DCDC2: variants seen among roughly 807,000 people sequenced by gnomAD.
DCDC2 encodes the protein doublecortin domain-containing protein 2.
In DCDC2, 40 loss-of-function variants were observed where a neutral mutation model predicts 50.2. The observed-to-expected ratio is 0.80, with a 90% confidence interval of 0.62 to 1.04. DCDC2 has a LOEUF of 1.04. Among genes scored for constraint, DCDC2 ranks in the 50% least tolerant of loss-of-function variants. The probability of loss-of-function intolerance (pLI) is 0.00; values close to 1 mark genes in which losing one functional copy is unlikely to be tolerated. For synonymous variants in DCDC2, 234 were observed against 210.6 expected (o/e 1.11, Z -0.96); for missense variants, 570 against 581.9 (o/e 0.98, Z 0.21).
the DCDC2 span, among the ~76,000 whole-genome samples, chr6:24,373,713 G>A: frequency 6.6e-6 from 1 of 152,268 alleles, no homozygotes; most frequent in South Asian, 2.1e-4. Context: ...AGGGGGAGTG[G>A]TACGTCTTTG....
intron 2 of DCDC2, among the ~76,000 whole-genome samples, chr6:24,321,887 G>T (rs79900548): frequency 0.018 from 2,811 of 152,258 alleles, 49 homozygotes; most frequent in South Asian, 0.05. Flanking sequence ...AATTAATTAC[G>T]TGTGACAAAT....
At chr6:24,299,731 T>C (rs1429663097) in intron 4 of DCDC2, among the ~76,000 whole-genome samples, 1 of 151,922 alleles carries the variant, frequency 6.6e-6, no homozygotes, top group East Asian at 1.9e-4. Flanking sequence ...CTGGCCAACA[T>C]GGTGAAACCC....
chr6:24,309,910 G>A (rs1194706270), intron 2 of DCDC2, among the ~76,000 whole-genome samples: 1 of 152,070 alleles, frequency 6.6e-6, no homozygotes, highest in East Asian at 1.9e-4. Context: ...TGGGAGGACT[G>A]CTTGAGCCCA....
intron 8 of DCDC2, among the ~76,000 whole-genome samples, chr6:24,200,400 G>A (rs1334019906): frequency 1.3e-5 from 2 of 152,140 alleles, no homozygotes; most frequent in Non-Finnish European, 2.9e-5. Context: ...TTCATATCCA[G>A]GCAAACTAAG....
chr6:24,180,509 C>T (rs533034151), intron 8 of DCDC2, among the ~76,000 whole-genome samples: 23 of 151,952 alleles, frequency 1.5e-4, no homozygotes, highest in Admixed American at 8.5e-4. Flanking sequence ...AGGATGGTCT[C>T]GATCTCCTGA....
intron 7 of DCDC2, among the ~76,000 whole-genome samples, chr6:24,216,230 T>C (rs949670573): frequency 4.0e-5 from 6 of 151,194 alleles, no homozygotes; most frequent in Admixed American, 6.6e-5. Flanking sequence ...GGGGTGAAAA[T>C]AGAAAATGGT....
At position 24,338,167 on chromosome 6, in the gene DCDC2, T is replaced by G. The variant is rs865903554; in HGVS notation, c.348+15402A>C. 4.6e-5 allele frequency among the ~76,000 whole-genome samples: 7 copies of G among 152,308 alleles called. No individual in the cohort carries two copies. In the South Asian group the frequency reaches 1.4e-3, roughly 32 times the overall value. On this transcript the variant is annotated intron_variant, in intron 2 of 9. Coordinates refer to ENST00000378454, the MANE Select transcript of DCDC2 (RefSeq NM_016356.5). ...TACTTCATAAGGTTGTTGTGAGGAT[T>G]ATATCATCTTTGTAAAGTACTTAGA...
intron 2 of DCDC2, among the ~76,000 whole-genome samples, chr6:24,349,665 T>A (rs1335436713): frequency 1.3e-5 from 2 of 151,832 alleles, no homozygotes; most frequent in Non-Finnish European, 2.9e-5. Context: ...AAAGAGAGGA[T>A]TGGGAAGTCA....
intron 2 of DCDC2, among the ~76,000 whole-genome samples, chr6:24,330,056 T>C (rs1282878395): frequency 6.6e-6 from 1 of 152,178 alleles, no homozygotes; most frequent in East Asian, 1.9e-4. Flanking sequence ...GTGAACCCAT[T>C]ATCAGGGACT....
intron 8 of DCDC2, among the ~76,000 whole-genome samples, chr6:24,194,271 T>C (rs1020387578): frequency 3.3e-5 from 5 of 152,134 alleles, no homozygotes; most frequent in Non-Finnish European, 7.4e-5. Flanking sequence ...AAATAAATTT[T>C]AAATAAATAA....
At chr6:24,245,980 T>G (rs990490928) in intron 7 of DCDC2, among the ~76,000 whole-genome samples, 3 of 152,128 alleles carry the variant, frequency 2.0e-5, no homozygotes, top group Non-Finnish European at 4.4e-5. Context: ...TCTGAGAGGA[T>G]AGATTTTTTA....
At chr6:24,199,384 C>T (rs973114874) in intron 8 of DCDC2, among the ~76,000 whole-genome samples, 2 of 152,144 alleles carry the variant, frequency 1.3e-5, no homozygotes, top group Admixed American at 6.6e-5. Flanking sequence ...CTGGGGTGGA[C>T]CTCCAGCAAA....
At chr6:24,245,274 G>T (rs1395231111) in intron 7 of DCDC2, among the ~76,000 whole-genome samples, 1 of 152,130 alleles carries the variant, frequency 6.6e-6, no homozygotes, top group Non-Finnish European at 1.5e-5. Flanking sequence ...ACTTAGGTTC[G>T]AGCGGCTGGG....
chr6:24,311,331 G>T lies in DCDC2; in HGVS notation c.349-9287C>A, dbSNP rs79134990. On this transcript the variant is annotated intron_variant, in intron 2 of 9. Coordinates refer to ENST00000378454, the MANE Select transcript of DCDC2 (RefSeq NM_016356.5). Reference sequence around the variant, plus strand: ...TTATAAAGTTAACATATTCCCCAATGGCATCAATATTTATGTAGACTGCAT... The same window carrying T: ...TTATAAAGTTAACATATTCCCCAATTGCATCAATATTTATGTAGACTGCAT... 2.1e-3 allele frequency among the ~76,000 whole-genome samples: 321 copies of T among 152,192 alleles called. 7 individuals are homozygous for T. The East Asian group carries it at 0.057, about 27-fold the overall frequency.
At position 24,289,002 on chromosome 6, in the gene DCDC2, T is replaced by TA. The variant is rs1470785724; in HGVS notation, c.705-97dup. ...CATCCCCACCTGGAAGTCAACTGTT[T>TA]ACTGCTGTGTTTCACAAAAGGTAGA... On this transcript the variant is annotated intron_variant, in intron 5 of 9. Coordinates refer to ENST00000378454, the MANE Select transcript of DCDC2 (RefSeq NM_016356.5). 2.3e-5 allele frequency: 20 copies of TA among 855,638 alleles called. No individual in the cohort carries two copies. The Admixed American group carries it at 5.2e-4, about 22-fold the overall frequency. The allele number at this position is 855,638 out of a possible 1,614,324, so 53.0% of individuals were successfully genotyped here.
intron 7 of DCDC2, among the ~76,000 whole-genome samples, chr6:24,269,904 G>A (rs775169523): frequency 4.6e-5 from 7 of 151,518 alleles, no homozygotes; most frequent in Admixed American, 1.3e-4. Context: ...AGAGAAAAAC[G>A]GCTTGTTAGT....
intron 8 of DCDC2, among the ~76,000 whole-genome samples, chr6:24,188,700 A>G (rs1761254146): frequency 6.6e-6 from 1 of 152,190 alleles, no homozygotes; most frequent in Non-Finnish European, 1.5e-5. Flanking sequence ...TTTCAGGACT[A>G]GCTCATGCCT....
chr6:24,365,390 C>A, the DCDC2 span, among the ~76,000 whole-genome samples: 4 of 152,214 alleles, frequency 2.6e-5, no homozygotes, highest in Middle Eastern at 3.2e-3. Context: ...CTCTCGGGTT[C>A]AAGCAGTTCT....
intron 7 of DCDC2, among the ~76,000 whole-genome samples, chr6:24,264,669 C>T (rs1763080070): frequency 6.6e-6 from 1 of 150,870 alleles, no homozygotes; most frequent in Admixed American, 6.6e-5. Context: ...AAACATACCA[C>T]CAGAGAAAAT....
Sources: gnomAD v4.1 joint callset for allele counts (sites outside exome capture counted in the v4.1 genomes callset) on GRCh38, gnomAD v4.1.1 for gene constraint, MANE v1.5 for transcripts, NCBI Gene and HGNC (gene_info 2026-07-23, HGNC 2026-07-21) for gene names.